Variants in AGBL4 observed in about 807,000 individuals in gnomAD.
AGBL4 encodes the protein cytosolic carboxypeptidase 6.
Under a neutral mutation model 66.4 loss-of-function variants are expected in AGBL4, and 58 were observed. That is an observed-to-expected ratio of 0.87 (90% CI 0.71 to 1.09). AGBL4 has a LOEUF of 1.09. Among genes scored for constraint, AGBL4 ranks in the 50% least tolerant of loss-of-function variants. The pLI is 0.00. For missense variants in AGBL4, 579 were observed against 631.0 expected, an observed-to-expected ratio of 0.92 and a Z score of 0.88; for synonymous variants, 234 against 222.9, an observed-to-expected ratio of 1.05 and a Z score of -0.44.
downstream of AGBL4, among the ~76,000 whole-genome samples, chr1:48,528,997 C>A (rs1452524916): frequency 6.6e-6 from 1 of 151,988 alleles, no homozygotes; most frequent in Non-Finnish European, 1.5e-5. Context: ...AGAGTCCCAA[C>A]TTCCAAAGCC....
chr1:48,791,821 A>G (rs951611722), intron 6 of AGBL4, among the ~76,000 whole-genome samples: 25 of 152,232 alleles, frequency 1.6e-4, no homozygotes, highest in African/African-American at 4.8e-4. Context: ...CATAAAAAAA[A>G]GTTTGATTTA....
chr1:49,542,637 CCT>C (rs1652139082), intron 3 of AGBL4, among the ~76,000 whole-genome samples: 1 of 152,098 alleles, frequency 6.6e-6, no homozygotes, highest in Admixed American at 6.5e-5. Flanking sequence ...GTGTGTCACA[CCT>C]ATAATTCCAG....
At chr1:48,904,262 G>A (rs1652370630) in intron 5 of AGBL4, among the ~76,000 whole-genome samples, 1 of 152,162 alleles carries the variant, frequency 6.6e-6, no homozygotes, top group South Asian at 2.1e-4. Context: ...CTGGGTGAGA[G>A]AGACTCCATC....
intron 3 of AGBL4, among the ~76,000 whole-genome samples, chr1:49,443,121 T>G (rs756151400): frequency 2.0e-5 from 3 of 152,146 alleles, no homozygotes; most frequent in Non-Finnish European, 4.4e-5. Context: ...TTTAATGAGA[T>G]TATTTACTTT....
intron 3 of AGBL4, among the ~76,000 whole-genome samples, chr1:49,287,256 A>T (rs1298054876): frequency 1.4e-5 from 2 of 141,310 alleles, no homozygotes; most frequent in Admixed American, 7.2e-5. Flanking sequence ...AAACCATAAA[A>T]ACCCTAGAAG....
At chr1:49,423,809 CAAAAAAAA>C (rs5774048) in intron 3 of AGBL4, among the ~76,000 whole-genome samples, 23 of 84,332 alleles carry the variant, frequency 2.7e-4, no homozygotes, top group Middle Eastern at 6.5e-3. Context: ...AAGACTCGGC[CAAAAAAAA>C]AAAAAAAAAA....
chr1:49,254,585 C>A (rs1652327673), intron 3 of AGBL4, among the ~76,000 whole-genome samples: 1 of 152,114 alleles, frequency 6.6e-6, no homozygotes, highest in Non-Finnish European at 1.5e-5. Context: ...AATGGTCATA[C>A]TGCCCAAACC....
chr1:49,833,190 C>A (rs1187263644), intron 2 of AGBL4, among the ~76,000 whole-genome samples: 1 of 152,120 alleles, frequency 6.6e-6, no homozygotes, highest in Non-Finnish European at 1.5e-5. Context: ...AGGAAGGGAT[C>A]CAATTTCAGC....
At chr1:49,276,935 G>C (rs1455739609) in intron 3 of AGBL4, among the ~76,000 whole-genome samples, 1 of 152,092 alleles carries the variant, frequency 6.6e-6, no homozygotes, top group Non-Finnish European at 1.5e-5. Context: ...CTAAACTTCA[G>C]GGGGCAAAGA....
At chr1:49,882,663 G>C (rs567000446) in intron 1 of AGBL4, among the ~76,000 whole-genome samples, 1 of 152,146 alleles carries the variant, frequency 6.6e-6, no homozygotes, top group Non-Finnish European at 1.5e-5. Context: ...GTGAATGGGA[G>C]TTCACTCATG....
chr1:48,769,570 C>CACACACACACA (rs34256470), intron 6 of AGBL4, among the ~76,000 whole-genome samples: 24 of 142,490 alleles, frequency 1.7e-4, no homozygotes, highest in Non-Finnish European at 2.5e-4. Context: ...CACACACACA[C>CACACACACACA]AAGTTAAATT....
intron 4 of AGBL4, among the ~76,000 whole-genome samples, chr1:49,167,718 G>A (rs749254400): frequency 9.9e-5 from 15 of 152,098 alleles, no homozygotes; most frequent in Non-Finnish European, 1.8e-4. Flanking sequence ...TTCAGAATAG[G>A]AAGAAAAAAA....
chr1:49,329,514 A>G (rs2148488558), intron 3 of AGBL4, among the ~76,000 whole-genome samples: 1 of 152,020 alleles, frequency 6.6e-6, no homozygotes, highest in Admixed American at 6.5e-5. Flanking sequence ...GAAAATACAA[A>G]AATTAGCCGG....
chr1:49,743,284 CAACA>C (rs1299004176), intron 2 of AGBL4, among the ~76,000 whole-genome samples: 1 of 152,128 alleles, frequency 6.6e-6, no homozygotes, highest in African/African-American at 2.4e-5. Flanking sequence ...TTTATGCAGC[CAACA>C]GACACATGAA....
intron 3 of AGBL4, among the ~76,000 whole-genome samples, chr1:49,391,024 G>C (rs1435150890): frequency 6.6e-6 from 1 of 152,078 alleles, no homozygotes; most frequent in Non-Finnish European, 1.5e-5. Flanking sequence ...GAGTGGAAGA[G>C]GAAGATGAAA....
intron 4 of AGBL4, among the ~76,000 whole-genome samples, chr1:49,144,120 G>T (rs1388624275): frequency 1.3e-5 from 2 of 152,156 alleles, no homozygotes; most frequent in Non-Finnish European, 2.9e-5. Context: ...ATGACATGAG[G>T]CATCTAGTGT....
intron 3 of AGBL4, among the ~76,000 whole-genome samples, chr1:49,571,329 A>T (rs1038018510): frequency 1.3e-5 from 2 of 151,292 alleles, no homozygotes; most frequent in African/African-American, 4.9e-5. Context: ...ATTCCTAGGT[A>T]TTTTTTTTCA....
At chr1:48,704,387 A>G (rs1227422242) in intron 6 of AGBL4, among the ~76,000 whole-genome samples, 3 of 152,202 alleles carry the variant, frequency 2.0e-5, no homozygotes, top group South Asian at 2.1e-4. Context: ...TTCTTTTTCA[A>G]TAATAAATTA....
At position 48,983,464 on chromosome 1, in the gene AGBL4, A is replaced by G. The variant is rs1428393847; in HGVS notation, c.594+62120T>C. Among the ~76,000 whole-genome samples, 5 of 152,334 alleles carry G rather than the reference A, an allele frequency of 3.3e-5. 1 individual carries two copies. In the South Asian group the frequency reaches 6.2e-4, roughly 19 times the overall value. On this transcript the variant is annotated intron_variant, in intron 5 of 13. Transcript: ENST00000371839. Reference sequence around the variant, plus strand: ...CTCACTGACAAATAGGCATCCCACAAGGGACATCTGGACCTTGCTCATTTC... The same window carrying G: ...CTCACTGACAAATAGGCATCCCACAGGGGACATCTGGACCTTGCTCATTTC...
Sources: allele counts gnomAD v4.1 joint callset (sites outside exome capture counted in the v4.1 genomes callset), GRCh38; gene constraint gnomAD v4.1.1; transcripts MANE v1.5; gene names NCBI Gene and HGNC (gene_info 2026-07-23, HGNC 2026-07-21).